Variants in RAP1GDS1 observed in about 807,000 individuals in gnomAD.
The protein encoded by RAP1GDS1 is RAP1, GTP-GDP dissociation stimulator 1.
Under a neutral mutation model 71.1 loss-of-function variants are expected in RAP1GDS1, and 35 were observed. That is an observed-to-expected ratio of 0.49 (90% CI 0.38 to 0.65). RAP1GDS1 has a LOEUF of 0.65. Among genes scored for constraint, RAP1GDS1 ranks in the 30% least tolerant of loss-of-function variants. The pLI, the probability that RAP1GDS1 is intolerant of heterozygous loss-of-function variation, is 0.00. For synonymous variants in RAP1GDS1, 229 were observed against 243.1 expected, an observed-to-expected ratio of 0.94 and a Z score of 0.54; for missense variants, 663 against 706.1, an observed-to-expected ratio of 0.94 and a Z score of 0.69.
chr4:98,436,714 ATG>A (rs1045785400), intron 13 of RAP1GDS1, among the ~76,000 whole-genome samples: 2 of 152,220 alleles, frequency 1.3e-5, no homozygotes, highest in African/African-American at 4.8e-5. Flanking sequence ...ATTAAAAGAA[ATG>A]TGTTAGTATT....
chr4:98,439,937 A>G (rs561753378), intron 14 of RAP1GDS1, among the ~76,000 whole-genome samples: 1 of 152,308 alleles, frequency 6.6e-6, no homozygotes, highest in Non-Finnish European at 1.5e-5. Flanking sequence ...ATCCATCTCC[A>G]GAACCACCTT....
At chr4:98,431,703 C>A (rs1287060497) in intron 12 of RAP1GDS1, among the ~76,000 whole-genome samples, 2 of 152,114 alleles carry the variant, frequency 1.3e-5, no homozygotes, top group Non-Finnish European at 2.9e-5. Flanking sequence ...TGATATCTAG[C>A]TAATGAGATT....
chr4:98,388,506 G>A (rs185751696), intron 5 of RAP1GDS1, among the ~76,000 whole-genome samples: 22 of 152,128 alleles, frequency 1.4e-4, no homozygotes, highest in African/African-American at 4.1e-4. Flanking sequence ...CGGATGGATC[G>A]CCTGAGGTCA....
At chr4:98,315,335 G>A (rs897806226) in intron 2 of RAP1GDS1, among the ~76,000 whole-genome samples, 5 of 152,156 alleles carry the variant, frequency 3.3e-5, no homozygotes, top group Non-Finnish European at 4.4e-5. Flanking sequence ...TAGCGACTCA[G>A]TAAAAATACA....
Position 98,421,116 on chromosome 4 carries a change from G to C in RAP1GDS1, c.1301-139G>C, listed in dbSNP as rs1052792423. ...GAAGGCAAATAGCCCATCACATAAG[G>C]AATATTTGCAGTTCTAGCTTTAATG... is the stretch of plus-strand genomic sequence containing the variant. On this transcript the variant is annotated intron_variant, in intron 11 of 14. Transcript: ENST00000408927. The C allele has an allele frequency of 2.3e-5, 21 of 920,470 alleles. No individual in the cohort carries two copies. The African/African-American group carries it at 3.5e-4, about 15-fold the overall frequency. 57.0% of individuals were successfully genotyped at this position (920,470 alleles called of 1,614,324 possible).
At chr4:98,394,929 T>C (rs903204704) in intron 6 of RAP1GDS1, among the ~76,000 whole-genome samples, 1 of 152,140 alleles carries the variant, frequency 6.6e-6, no homozygotes, top group African/African-American at 2.4e-5. Context: ...CATGTTCTTA[T>C]CACCACTTAT....
intron 4 of RAP1GDS1, among the ~76,000 whole-genome samples, chr4:98,356,063 C>G (rs572360542): frequency 1.2e-4 from 19 of 152,134 alleles, no homozygotes; most frequent in African/African-American, 4.1e-4. Flanking sequence ...ATGCTTCTGC[C>G]CTTTAACTTT....
chr4:98,360,016 A>G (rs2110439081), intron 4 of RAP1GDS1, among the ~76,000 whole-genome samples: 1 of 152,314 alleles, frequency 6.6e-6, no homozygotes, highest in East Asian at 1.9e-4. Flanking sequence ...CACTTTGAGA[A>G]ACTATGATCT....
intron 4 of RAP1GDS1, among the ~76,000 whole-genome samples, chr4:98,370,228 G>T (rs1477619583): frequency 1.3e-5 from 2 of 152,136 alleles, no homozygotes; most frequent in African/African-American, 4.8e-5. Context: ...TTTAGTTGCA[G>T]ATTTTGAGAT....
At chr4:98,341,630 G>T (rs1735516550) in intron 2 of RAP1GDS1, among the ~76,000 whole-genome samples, 1 of 152,010 alleles carries the variant, frequency 6.6e-6, no homozygotes, top group Admixed American at 6.6e-5. Context: ...GTGTTCTAAG[G>T]TTATATTTCT....
At chr4:98,276,671 A>T (rs1724247256) in intron 1 of RAP1GDS1, among the ~76,000 whole-genome samples, 1 of 152,188 alleles carries the variant, frequency 6.6e-6, no homozygotes, top group African/African-American at 2.4e-5. Context: ...GATGAATGGC[A>T]TCTAACACTG....
intron 3 of RAP1GDS1, among the ~76,000 whole-genome samples, chr4:98,349,631 CTT>C (rs984478890): frequency 1.3e-5 from 2 of 152,284 alleles, no homozygotes; most frequent in Admixed American, 6.5e-5. Context: ...TTTGTGTCCT[CTT>C]TTATTTCGTT....
chr4:98,392,512 C>A (rs979738494), intron 6 of RAP1GDS1, among the ~76,000 whole-genome samples: 21 of 152,048 alleles, frequency 1.4e-4, no homozygotes, highest in African/African-American at 5.1e-4. Flanking sequence ...CTCAGGAATT[C>A]GAGACCAGTC....
At chr4:98,310,028 CTA>C (rs1729977531) in intron 2 of RAP1GDS1, among the ~76,000 whole-genome samples, 1 of 151,978 alleles carries the variant, frequency 6.6e-6, no homozygotes, top group Non-Finnish European at 1.5e-5. Context: ...TACTGTTGTG[CTA>C]TGTCATACTG....
intron 2 of RAP1GDS1, among the ~76,000 whole-genome samples, chr4:98,329,618 T>C (rs1200437176): frequency 6.6e-6 from 1 of 151,850 alleles, no homozygotes; most frequent in South Asian, 2.1e-4. Context: ...TGAAACCTCA[T>C]CTCTACTAAA....
chr4:98,321,549 C>T (rs1731895845), intron 2 of RAP1GDS1, among the ~76,000 whole-genome samples: 1 of 150,074 alleles, frequency 6.7e-6, no homozygotes, highest in South Asian at 2.2e-4. Context: ...CAAAGGGAAG[C>T]CCATCAGACT....
intron 11 of RAP1GDS1, among the ~76,000 whole-genome samples, 170 bp downstream of exon 11, chr4:98,420,314 T>A (rs1748636649): frequency 6.6e-6 from 1 of 151,186 alleles, no homozygotes; most frequent in South Asian, 2.1e-4. Flanking sequence ...TTATGCTTGT[T>A]ATAATTATTT....
chr4:98,377,280 A>G (rs1283633632), intron 4 of RAP1GDS1, among the ~76,000 whole-genome samples: 6 of 151,970 alleles, frequency 3.9e-5, no homozygotes, highest in Non-Finnish European at 8.8e-5. Context: ...AGGTCTGAAC[A>G]TTTAGATTTG....
At position 98,284,819 on chromosome 4, in the gene RAP1GDS1, C is replaced by A. The variant is rs141217691; in HGVS notation, c.5-8589C>A. 4.4e-3 allele frequency among the ~76,000 whole-genome samples: 666 copies of A among 152,228 alleles called. 11 individuals are homozygous for A. Among genetic ancestry groups the A allele is most frequent in the African/African-American group, 0.015 (639 of 41,548 alleles). On this transcript the variant is annotated intron_variant, in intron 1 of 14. Transcript: ENST00000408927. ...GAAGCTAAGCCTTGTAGAAAGGTCC[C>A]AAGTCTCAGGTATCAGATTTCAGGT...
Sources: allele counts gnomAD v4.1 joint callset (sites outside exome capture counted in the v4.1 genomes callset), GRCh38; gene constraint gnomAD v4.1.1; transcripts MANE v1.5; gene names NCBI Gene and HGNC (gene_info 2026-07-23, HGNC 2026-07-21).